Variants in PGR observed in about 807,000 individuals in gnomAD.
The protein encoded by PGR is nuclear receptor subfamily 3 group C member 3.
A neutral mutation model predicts 76.1 loss-of-function variants in PGR; 25 were observed. The ratio of observed to expected loss-of-function variants is 0.33; its 90% CI spans 0.24 to 0.46. The LOEUF is 0.46. Ranked by LOEUF, PGR falls within the 20% of genes least tolerant of loss-of-function variation. The pLI is 1.00. For synonymous variants in PGR, 579 were observed against 535.0 expected, an observed-to-expected ratio of 1.08 and a Z score of -1.14; for missense variants, 1,172 against 1,225.3, an observed-to-expected ratio of 0.96 and a Z score of 0.65.
chr11:101,116,377 C>A (rs192118330), intron 2 of PGR, among the ~76,000 whole-genome samples: 2 of 152,278 alleles, frequency 1.3e-5, no homozygotes, highest in Non-Finnish European at 2.9e-5. Flanking sequence ...TGAGACTAGG[C>A]GGGGCCAGTG....
Position 101,128,436 on chromosome 11 carries a change from G to C in PGR, c.635C>G (p.Pro212Arg), listed in dbSNP as rs888933438. Residue 212 changes from proline (P) to arginine (R), a missense_variant, in exon 1 of 8, where the codon CCG becomes CGG. By Grantham distance (103) the Pro-to-Arg change is moderately radical. Around this residue, in one of 4 missense-constraint regions of PGR, gnomAD observed 893 missense variants for 785.9 expected, o/e 1.14. Transcript: ENST00000325455. ...SPHWSGAPVK[P>R]SPQAAAVEVE... Reference sequence around the variant, plus strand: ...CTCCACCGCAGCGGCCTGCGGAGACGGCTTCACTGGGGCCCCGGACCAGTG... The same window carrying C: ...CTCCACCGCAGCGGCCTGCGGAGACCGCTTCACTGGGGCCCCGGACCAGTG... 3.1e-6 allele frequency: 5 copies of C among 1,610,402 alleles called. No homozygotes were observed. The highest frequency in any genetic ancestry group is 2.2e-5 in the East Asian group (1 of 44,842).
rs1302681584 is a variant in PGR, at chr11:101,128,046, G to A, written c.1025C>T (p.Pro342Leu). 3 of 1,604,764 alleles carry A rather than the reference G, an allele frequency of 1.9e-6. No individual in the cohort carries two copies. Among genetic ancestry groups the A allele is most frequent in the African/African-American group, 2.7e-5 (2 of 74,920 alleles). Residue 342 changes from proline to leucine, a missense_variant, in exon 1 of 8, where the codon CCG becomes CTG. By Grantham distance (98) the Pro-to-Leu change is moderately conservative (BLOSUM62 -3). Around this residue, in one of 4 missense-constraint regions of PGR, gnomAD observed 893 missense variants for 785.9 expected, o/e 1.14. Transcript: ENST00000325455. ...GGACGAGGCACAGGGTGAACTCCGC[G>A]GCGGGGCAAAGGCGCTGGCAGCCCC... ...GAGAASAFAPPRSSPCASSTP... is the reference protein window; with the variant it reads ...GAGAASAFAPLRSSPCASSTP...
At chr11:101,079,683 A>G (rs1251386813) in intron 3 of PGR, among the ~76,000 whole-genome samples, 1 of 152,242 alleles carries the variant, frequency 6.6e-6, no homozygotes, top group African/African-American at 2.4e-5. Context: ...TAGTACTGTA[A>G]CTATGGAAAA....
chr11:101,079,504 T>C (rs529249919), intron 3 of PGR, among the ~76,000 whole-genome samples: 94 of 151,320 alleles, frequency 6.2e-4, no homozygotes, highest in African/African-American at 2.1e-3. Flanking sequence ...CCAACAGATA[T>C]ATGAAAAAAT....
At chr11:101,102,925 ATTAG>A (rs1016056118) in intron 2 of PGR, among the ~76,000 whole-genome samples, 1 of 151,850 alleles carries the variant, frequency 6.6e-6, no homozygotes, top group Non-Finnish European at 1.5e-5. Flanking sequence ...ATTATCAGGC[ATTAG>A]TTAGATTCTC....
intron 2 of PGR, among the ~76,000 whole-genome samples, chr11:101,099,231 C>T (rs1196436581): frequency 6.6e-6 from 1 of 152,178 alleles, no homozygotes. Flanking sequence ...TATTATACAG[C>T]AATGAGAATA....
At chr11:101,087,971 A>C (rs4335510) in intron 3 of PGR, among the ~76,000 whole-genome samples, 1 of 152,154 alleles carries the variant, frequency 6.6e-6, no homozygotes, top group Non-Finnish European at 1.5e-5. Context: ...TGGGAGGATC[A>C]CTTGAGCCCA....
intron 3 of PGR, among the ~76,000 whole-genome samples, chr11:101,065,277 G>GTGT (rs1645461906): frequency 6.6e-6 from 1 of 151,820 alleles, no homozygotes; most frequent in African/African-American, 2.4e-5. Context: ...TATTAAAGTA[G>GTGT]TTGTTTTGAC....
intron 2 of PGR, among the ~76,000 whole-genome samples, chr11:101,100,605 C>CCACACA (rs10682415): frequency 0.038 from 5,578 of 147,632 alleles, 133 homozygotes; most frequent in Non-Finnish European, 0.056. Context: ...TATTTTGAAT[C>CCACACA]CACACACACA....
In PGR at chr11:101,091,806, TGGGCAG is replaced by T; in HGVS notation, c.1854_1859del (p.Asn618_Pro620delinsLys). ...GACAGCACTTTCTAAGGCGACATGC[TGGGCAG>T]TTTTTTCTGCGGATTTTATCAACGA... On this transcript the variant is annotated inframe_deletion, in exon 3 of 8. Transcript: ENST00000325455. 1 of 1,611,318 alleles carries T rather than the reference TGGGCAG, an allele frequency of 6.2e-7. No homozygotes were observed. Among genetic ancestry groups the T allele is most frequent in the Non-Finnish European group, 8.5e-7 (1 of 1,177,448 alleles).
At chr11:101,061,028 C>A (rs1472085984) in intron 4 of PGR, among the ~76,000 whole-genome samples, 1 of 152,032 alleles carries the variant, frequency 6.6e-6, no homozygotes, top group Non-Finnish European at 1.5e-5. Flanking sequence ...TAAAGAACCT[C>A]CAAAATTGCA....
At chr11:101,117,473 G>A (rs1862546552) in intron 2 of PGR, among the ~76,000 whole-genome samples, 1 of 151,930 alleles carries the variant, frequency 6.6e-6, no homozygotes, top group African/African-American at 2.4e-5. Context: ...CCTTATATAA[G>A]AAATTTGAGA....
chr11:101,087,587 C>A (rs1861536851), intron 3 of PGR, among the ~76,000 whole-genome samples: 1 of 152,008 alleles, frequency 6.6e-6, no homozygotes, highest in Admixed American at 6.6e-5. Flanking sequence ...CAAGTGAGAC[C>A]TAATTCAACT....
chr11:101,081,754 T>C (rs1861315124), intron 3 of PGR, among the ~76,000 whole-genome samples: 1 of 152,184 alleles, frequency 6.6e-6, no homozygotes, highest in Admixed American at 6.5e-5. Flanking sequence ...GATCCTTACA[T>C]GGGAGTTCTA....
intron 3 of PGR, chr11:101,063,520 A>G (rs1344613707): frequency 6.6e-6 from 1 of 152,144 alleles, no homozygotes; most frequent in Non-Finnish European, 1.5e-5. Flanking sequence ...ATTGAAGGAG[A>G]AAAGGATGCT....
At position 101,033,220 on chromosome 11, in the gene PGR, T is replaced by C. The variant is rs982039429; in HGVS notation, c.*5896A>G. On this transcript the variant is annotated 3_prime_UTR_variant, in exon 8 of 8. Transcript: ENST00000325455. ...CCATGTGAAAATCTCTTCCTATCCC[T>C]AATCATAGCAAATTCAGGGCTTACT... 9.6e-6 allele frequency: 2 copies of C among 208,322 alleles called. No individual in the cohort carries two copies. Among genetic ancestry groups the C allele is most frequent in the Middle Eastern group, 1.6e-3 (1 of 618 alleles). The allele number at this position is 208,322 out of a possible 1,614,324, so 12.9% of individuals were successfully genotyped here. A position where few individuals can be genotyped will look rare whatever the true frequency, so the allele number is the denominator to read the frequency against.
At chr11:101,106,541 C>T (rs773803467) in intron 2 of PGR, among the ~76,000 whole-genome samples, 5 of 152,094 alleles carry the variant, frequency 3.3e-5, no homozygotes, top group African/African-American at 7.2e-5. Flanking sequence ...GTTGGAATGG[C>T]AACCATTAAA....
In PGR at chr11:101,034,263, A is replaced by G. The variant is rs1162710792; in HGVS notation, c.*4853T>C. 1 of 217,464 alleles carries G rather than the reference A, an allele frequency of 4.6e-6. No individual in the cohort carries two copies. Among genetic ancestry groups the G allele is most frequent in the African/African-American group, 2.3e-5 (1 of 44,418 alleles). The allele number at this position is 217,464 out of a possible 1,614,324, so 13.5% of individuals were successfully genotyped here. A position where few individuals can be genotyped will look rare whatever the true frequency, so the allele number is the denominator to read the frequency against. On this transcript the variant is annotated 3_prime_UTR_variant, in exon 8 of 8. Transcript: ENST00000325455. ...CCAGTAAATCGAAAATGAGGCTGAC[A>G]TTCTGGGACTAGGCCAGCAGTCCTG...
chr11:101,037,933 T>C lies in PGR; in HGVS notation c.*1183A>G, dbSNP rs1462891699. 6 of 212,800 alleles carry C rather than the reference T, an allele frequency of 2.8e-5. No homozygotes were observed. The East Asian group carries it at 3.5e-4, about 12-fold the overall frequency. The allele number at this position is 212,800 out of a possible 1,614,324, so 13.2% of individuals were successfully genotyped here. A position where few individuals can be genotyped will look rare whatever the true frequency, so the allele number is the denominator to read the frequency against. ...ATAACATGCTACTGTAACTCAAATGTGCACAAAATGGCAGGTAAACTCTAG... is the reference window on the plus strand; with the variant it reads ...ATAACATGCTACTGTAACTCAAATGCGCACAAAATGGCAGGTAAACTCTAG... On this transcript the variant is annotated 3_prime_UTR_variant, in exon 8 of 8. Coordinates refer to ENST00000325455, the MANE Select transcript of PGR (RefSeq NM_000926.4).
Sources: allele counts gnomAD v4.1 joint callset (sites outside exome capture counted in the v4.1 genomes callset), GRCh38; gene constraint gnomAD v4.1.1; regional missense constraint gnomAD v4.1.1; transcripts MANE v1.5; gene names NCBI Gene and HGNC (gene_info 2026-07-23, HGNC 2026-07-21).